Variants in ASB15 observed in about 807,000 individuals in gnomAD.
ASB15 encodes ankyrin repeat and SOCS box protein 15.
Under a neutral mutation model 58.0 loss-of-function variants are expected in ASB15, and 54 were observed. That is an observed-to-expected ratio of 0.93 (90% CI 0.75 to 1.17). ASB15 has a LOEUF of 1.17. Ranked by LOEUF, ASB15 falls within the 50% of genes most tolerant of loss-of-function variation. The pLI, the probability that ASB15 is intolerant of heterozygous loss-of-function variation, is 0.00. For missense variants in ASB15, 680 were observed against 707.4 expected (o/e 0.96, Z 0.44); for synonymous variants, 249 against 262.4 (o/e 0.95, Z 0.50).
At chr7:123,582,705 G>A (rs773864464) in intron 1 of ASB15, among the ~76,000 whole-genome samples, 6 of 151,654 alleles carry the variant, frequency 4.0e-5, no homozygotes, top group Non-Finnish European at 7.4e-5. Context: ...ACTTTATATC[G>A]TCTAAGGCAT....
intron 1 of ASB15, among the ~76,000 whole-genome samples, chr7:123,588,198 T>A (rs1367682366): frequency 6.6e-6 from 1 of 151,784 alleles, no homozygotes; most frequent in Admixed American, 6.6e-5. Context: ...ATTACTGATT[T>A]AATTTCCTTT....
chr7:123,581,534 A>G (rs1799234935), intron 1 of ASB15, among the ~76,000 whole-genome samples: 1 of 151,020 alleles, frequency 6.6e-6, no homozygotes, highest in Non-Finnish European at 1.5e-5. Flanking sequence ...ATCTTTTTTG[A>G]TGTGTCATGT....
rs763020001 is a variant in ASB15, at chr7:123,614,495, A to T, written c.-2-6A>T. The T allele has an allele frequency of 9.8e-5, 151 of 1,538,682 alleles. No individual in the cohort carries two copies. The highest frequency in any genetic ancestry group is 1.3e-4 in the Non-Finnish European group (143 of 1,113,992). ...AAGAACTTGTCTCGTTCAAAATTAT[A>T]TGCAGGAATGGATACTAATGATGAC... On this transcript the variant is annotated splice_polypyrimidine_tract_variant and splice_region_variant and intron_variant, in intron 3 of 11. Coordinates refer to ENST00000451215, the MANE Select transcript of ASB15 (RefSeq NM_001290258.2).
intron 1 of ASB15, among the ~76,000 whole-genome samples, chr7:123,602,205 T>A (rs1799910674): frequency 6.6e-6 from 1 of 152,106 alleles, no homozygotes; most frequent in Admixed American, 6.6e-5. Flanking sequence ...TGTCAATATA[T>A]TTACTATAGA....
Position 123,627,184 on chromosome 7 carries a change from T to G in ASB15, c.772T>G (p.Cys258Gly). The change falls in exon 9 of 12, where the codon TGC becomes GGC. Residue 258 changes from cysteine to glycine, a missense_variant. Transcript: ENST00000451215. The stretch of plus-strand genomic sequence containing the variant: ...GGCAGCAGGAGGTGGCAATCCCGAC[T>G]GCATTTCCCTCCTGCTGGAATATGG... ...FEAAGGGNPD[C>G]ISLLLEYGGS... 1 of 1,614,020 alleles carries G rather than the reference T, an allele frequency of 6.2e-7. No homozygotes were observed. The highest frequency in any genetic ancestry group is 1.1e-5 in the South Asian group (1 of 91,076).
At chr7:123,600,717 C>A (rs1041855364), upstream of ASB15, among the ~76,000 whole-genome samples, 1 of 152,106 alleles carries the variant, frequency 6.6e-6, no homozygotes, top group Non-Finnish European at 1.5e-5. Flanking sequence ...CTGAAACGCA[C>A]CTTCTTTTAT....
chr7:123,627,113 G>A lies in ASB15; in HGVS notation c.701G>A (p.Gly234Asp), dbSNP rs2116634119. 6.2e-7 allele frequency: 1 copy of A among 1,612,752 alleles called. No individual in the cohort carries two copies. Among genetic ancestry groups the A allele is most frequent in the South Asian group, 1.1e-5 (1 of 90,940 alleles). Reference sequence around the variant, plus strand: ...ATGCCACGTTTTATACTGCCAGGTGGTGATGTGCTTGCTTTGGCGGATGAT... The same window carrying A: ...ATGCCACGTTTTATACTGCCAGGTGATGATGTGCTTGCTTTGGCGGATGAT... ...DVLEHLIHKG[G>D]DVLALADDGA... Residue 234 changes from glycine (G) to aspartate (D), a missense_variant, in exon 9 of 12, where the codon GGT becomes GAT. Coordinates refer to ENST00000451215, the MANE Select transcript of ASB15 (RefSeq NM_001290258.2).
chr7:123,636,931 A>T lies in ASB15; in HGVS notation c.1717A>T (p.Ile573Leu), dbSNP rs751343075. The change falls in exon 12 of 12, where the codon ATA (isoleucine) becomes TTA (leucine). Residue 573 changes from isoleucine (I) to leucine (L), a missense_variant. By Grantham distance (5) the Ile-to-Leu change is conservative. Coordinates refer to ENST00000451215, the MANE Select transcript of ASB15 (RefSeq NM_001290258.2). ...LPLPPAIQRY[I>L]LFKEYDLYGQ... is the part of the protein sequence containing the mutation. ...TCTACCACCAGCTATTCAAAGATACATATTATTTAAAGAGTATGATCTCTA... is the reference window on the plus strand; with the variant it reads ...TCTACCACCAGCTATTCAAAGATACTTATTATTTAAAGAGTATGATCTCTA... 2.5e-6 allele frequency: 4 copies of T among 1,584,400 alleles called. No individual in the cohort carries two copies. The highest frequency in any genetic ancestry group is 3.5e-6 in the Non-Finnish European group (4 of 1,153,280).
At chr7:123,581,984 G>A (rs1799247622) in intron 1 of ASB15, among the ~76,000 whole-genome samples, 2 of 152,010 alleles carry the variant, frequency 1.3e-5, no homozygotes, top group African/African-American at 4.8e-5. Flanking sequence ...GAATTCTGGG[G>A]CAGAAATTGT....
At position 123,585,138 on chromosome 7, in the gene ASB15, T is replaced by C. The variant is rs568669600; in HGVS notation, c.-443+18050T>C. On this transcript the variant is annotated intron_variant, in intron 1 of 13. Transcript: ENST00000451558. ...CGTATGTGTTAGCATTTCCATGACT[T>C]TGTTATTCAGTTGTAAAATATAATT... is the stretch of plus-strand genomic sequence containing the variant. The C allele has an allele frequency of 1.1e-4, 16 of 151,936 alleles. No homozygotes were observed. In the East Asian group the frequency reaches 2.9e-3, roughly 28 times the overall value. 9.4% of individuals were successfully genotyped at this position (151,936 alleles called of 1,614,324 possible). A position where few individuals can be genotyped will look rare whatever the true frequency, so the allele number is the denominator to read the frequency against.
At position 123,629,230 on chromosome 7, in the gene ASB15, T is replaced by G. The variant is rs750793743; in HGVS notation, c.1236T>G (p.His412Gln). 1.9e-6 allele frequency: 3 copies of G among 1,613,988 alleles called. No homozygotes were observed. The highest frequency in any genetic ancestry group is 2.2e-5 in the South Asian group (2 of 91,082). The change falls in exon 10 of 12, where the codon CAT (histidine) becomes CAG (glutamine). Residue 412 changes from histidine (H) to glutamine (Q), a missense_variant. By Grantham distance (24) the His-to-Gln change is conservative. Coordinates refer to ENST00000451215, the MANE Select transcript of ASB15 (RefSeq NM_001290258.2). ...CTAATGTCAATTGTTATTTTATGCA[T>G]GTGAATGACACTCGTTTCCCCAGTG... Reference protein sequence around the residue: ...HGANVNCYFMHVNDTRFPSVI... With the variant: ...HGANVNCYFMQVNDTRFPSVI...
upstream of ASB15, among the ~76,000 whole-genome samples, chr7:123,599,466 C>G (rs1268627226): frequency 6.6e-6 from 1 of 152,124 alleles, no homozygotes; most frequent in African/African-American, 2.4e-5. Context: ...ATAGCAAGAG[C>G]TGTTTTTTAA....
intron 1 of ASB15, among the ~76,000 whole-genome samples, chr7:123,575,948 A>C (rs1312410828): frequency 1.3e-5 from 2 of 150,816 alleles, no homozygotes; most frequent in African/African-American, 4.9e-5. Flanking sequence ...ATTTCAGGAA[A>C]ATTTTCTTGA....
chr7:123,588,773 C>A (rs1032638007), intron 1 of ASB15, among the ~76,000 whole-genome samples: 1 of 151,336 alleles, frequency 6.6e-6, no homozygotes, highest in Admixed American at 6.6e-5. Flanking sequence ...GTTCTATGTC[C>A]ATTTTTGTTT....
intron 11 of ASB15, among the ~76,000 whole-genome samples, chr7:123,631,603 G>T (rs1802120841): frequency 6.6e-6 from 1 of 152,126 alleles, no homozygotes; most frequent in South Asian, 2.1e-4. Flanking sequence ...GAGCAGGACA[G>T]AAACAAGAAA....
rs916559693 is a variant in ASB15, at chr7:123,624,887, C to T, written c.697+73C>T. 3.4e-6 allele frequency: 5 copies of T among 1,481,140 alleles called. No homozygotes were observed. The Admixed American group carries it at 1.0e-4, about 30-fold the overall frequency. 91.7% of individuals were successfully genotyped at this position (1,481,140 alleles called of 1,614,324 possible). The stretch of plus-strand genomic sequence containing the variant: ...ACTCTCCTTTTCTCCATTCATCACT[C>T]TTCCTCACCTGAATGTAACTAGGGG... On this transcript the variant is annotated intron_variant, in intron 8 of 11. Coordinates refer to ENST00000451215, the MANE Select transcript of ASB15 (RefSeq NM_001290258.2).
intron 1 of ASB15, among the ~76,000 whole-genome samples, chr7:123,602,356 T>G (rs1348098812): frequency 2.6e-5 from 4 of 152,126 alleles, no homozygotes; most frequent in Non-Finnish European, 5.9e-5. Context: ...ATTGAAACAT[T>G]TCTTTAAATT....
chr7:123,608,534 A>G (rs921097494), intron 2 of ASB15, 60 bp from the exon 3 acceptor site: 1 of 152,214 alleles, frequency 6.6e-6, no homozygotes, highest in Non-Finnish European at 1.5e-5. Context: ...TCAGAAGAAC[A>G]TACTTTGCTG....
At chr7:123,600,503 T>TA (rs915748709), upstream of ASB15, among the ~76,000 whole-genome samples, 1 of 152,044 alleles carries the variant, frequency 6.6e-6, no homozygotes, top group Admixed American at 6.6e-5. Context: ...ATATTGTAAG[T>TA]AAAAAAAAGT....
Sources: gnomAD v4.1 joint callset for allele counts (sites outside exome capture counted in the v4.1 genomes callset) on GRCh38, gnomAD v4.1.1 for gene constraint, MANE v1.5 for transcripts, NCBI Gene and HGNC (gene_info 2026-07-23, HGNC 2026-07-21) for gene names.